The following LARGE1 variants were observed in gnomAD, a reference collection of about 807,000 sequenced individuals.
The protein encoded by LARGE1 is xylosyl- and glucuronyltransferase LARGE1.
LARGE1 carries 43 observed loss-of-function variants against 87.6 expected under a neutral mutation model. That is an observed-to-expected ratio of 0.49 (90% CI 0.38 to 0.63). LARGE1 has a LOEUF of 0.63. LARGE1 is among the 30% of genes least tolerant of loss of function. The probability of loss-of-function intolerance (pLI) is 0.00; values close to 1 mark genes in which losing one functional copy is unlikely to be tolerated. For synonymous variants in LARGE1, 434 were observed against 394.6 expected, an observed-to-expected ratio of 1.10 and a Z score of -1.18; for missense variants, 802 against 1,000.2, an observed-to-expected ratio of 0.80 and a Z score of 2.67.
chr22:33,184,088 CTATA>C (rs144013990), intron 11 of LARGE1, among the ~76,000 whole-genome samples: 5 of 105,306 alleles, frequency 4.7e-5, no homozygotes, highest in Admixed American at 2.9e-4. Flanking sequence ...AATCAGTACA[CTATA>C]TATATATATA....
intron 2 of LARGE1, among the ~76,000 whole-genome samples, chr22:33,712,719 C>G (rs1468680952): frequency 2.0e-5 from 3 of 148,446 alleles, no homozygotes; most frequent in Non-Finnish European, 4.4e-5. Flanking sequence ...CTGAGGCCAG[C>G]AAGAAAAGCC....
intron 2 of LARGE1, among the ~76,000 whole-genome samples, chr22:33,689,172 C>T (rs200718339): frequency 8.6e-6 from 1 of 115,880 alleles, no homozygotes; most frequent in African/African-American, 3.1e-5. Flanking sequence ...TCTCTCCCCC[C>T]TCCTGTGTGT....
At chr22:33,288,937 T>C (rs985474495) in intron 12 of LARGE1, among the ~76,000 whole-genome samples, 3 of 151,694 alleles carry the variant, frequency 2.0e-5, no homozygotes, top group African/African-American at 7.3e-5. Context: ...CTATAGTATA[T>C]TGGATCAAGG....
chr22:33,470,342 A>G (rs1252058010), intron 6 of LARGE1, among the ~76,000 whole-genome samples: 1 of 152,228 alleles, frequency 6.6e-6, no homozygotes, highest in East Asian at 1.9e-4. Context: ...AAAAAGGCAG[A>G]CAAGCCCTCT....
rs35056659 is a variant in LARGE1 at position 33,407,981 on chromosome 22, CT to C, written c.893-23678del. Among the ~76,000 whole-genome samples, 413 of 139,484 alleles carry C rather than the reference CT, an allele frequency of 3.0e-3. 1 individual carries two copies. Among genetic ancestry groups the C allele is most frequent in the Middle Eastern group, 7.5e-3 (2 of 266 alleles). The allele number at this position is 139,484 out of a possible 152,430, so 91.5% of individuals were successfully genotyped here. ...CATTCAGGGTGGTAAGGAAGATAAA[CT>C]TTTTTTTTTTTTTTTTGAGACGGAG... On this transcript the variant is annotated intron_variant, in intron 7 of 14. Transcript: ENST00000397394.
chr22:33,691,637 A>T (rs1168163035), intron 2 of LARGE1, among the ~76,000 whole-genome samples: 1 of 152,212 alleles, frequency 6.6e-6, no homozygotes, highest in Non-Finnish European at 1.5e-5. Flanking sequence ...GCTAAGCCCC[A>T]TTAATCTAAG....
chr22:33,082,281 T>C, the LARGE1 span, among the ~76,000 whole-genome samples: 2 of 152,240 alleles, frequency 1.3e-5, no homozygotes, highest in Admixed American at 1.3e-4. Context: ...GCTTCAATTC[T>C]ATCTACATGT....
chr22:33,251,690 T>A (rs1378213150), intron 11 of LARGE1, among the ~76,000 whole-genome samples: 1 of 152,228 alleles, frequency 6.6e-6, no homozygotes, highest in African/African-American at 2.4e-5. Flanking sequence ...TTTAGCTTCT[T>A]TCAAACCCCA....
intron 4 of LARGE1, among the ~76,000 whole-genome samples, chr22:33,605,420 A>G (rs1281510471): frequency 6.6e-6 from 1 of 152,198 alleles, no homozygotes; most frequent in Non-Finnish European, 1.5e-5. Context: ...TTCCAAACCC[A>G]GGTCTGAAAT....
chr22:33,726,498 T>C (rs2083276753), intron 2 of LARGE1, among the ~76,000 whole-genome samples: 2 of 152,292 alleles, frequency 1.3e-5, no homozygotes, highest in South Asian at 4.1e-4. Flanking sequence ...CACGTGGCAA[T>C]ATTCACCGTA....
intron 1 of LARGE1, among the ~76,000 whole-genome samples, chr22:33,861,395 C>T (rs904182831): frequency 4.6e-5 from 7 of 151,838 alleles, no homozygotes; most frequent in Admixed American, 2.0e-4. Flanking sequence ...CCTACACACA[C>T]ACACAAACAC....
chr22:33,529,252 C>G (rs1422302014), intron 6 of LARGE1, among the ~76,000 whole-genome samples: 1 of 152,180 alleles, frequency 6.6e-6, no homozygotes, highest in Non-Finnish European at 1.5e-5. Flanking sequence ...ATGATGGCCC[C>G]TTGCCTTGGC....
At chr22:33,617,250 T>C (rs2079606968) in intron 4 of LARGE1, among the ~76,000 whole-genome samples, 1 of 152,238 alleles carries the variant, frequency 6.6e-6, no homozygotes, top group African/African-American at 2.4e-5. Context: ...AGGAGGCTTA[T>C]TTCATTCTTT....
intron 2 of LARGE1, among the ~76,000 whole-genome samples, chr22:33,738,716 G>T (rs950521497): frequency 5.9e-5 from 9 of 152,060 alleles, no homozygotes; most frequent in Non-Finnish European, 7.4e-5. Context: ...GCAGTGGCAG[G>T]AGCCTGTAGT....
chr22:33,284,864 T>C (rs1194813543), intron 12 of LARGE1, among the ~76,000 whole-genome samples: 1 of 152,148 alleles, frequency 6.6e-6, no homozygotes, highest in South Asian at 2.1e-4. Flanking sequence ...TGTGCACCAC[T>C]GCGCCCGGCC....
intron 2 of LARGE1, chr22:33,727,448 A>G (rs1677769417): frequency 6.6e-6 from 1 of 152,246 alleles, no homozygotes; most frequent in Admixed American, 6.5e-5. Flanking sequence ...CAAATAAAGT[A>G]AAAGAGTGTA....
chr22:33,072,836 T>A, the LARGE1 span, among the ~76,000 whole-genome samples: 1 of 152,150 alleles, frequency 6.6e-6, no homozygotes, highest in Non-Finnish European at 1.5e-5. Context: ...TTCTCATCCA[T>A]TCTCCGGTCC....
intron 1 of LARGE1, among the ~76,000 whole-genome samples, chr22:33,782,249 C>T (rs113116070): frequency 1.1e-4 from 16 of 152,140 alleles, no homozygotes; most frequent in African/African-American, 2.4e-4. Flanking sequence ...GCATTTAAGA[C>T]GGGAGGGAGA....
chr22:33,910,375 A>G (rs2065597099), intron 1 of LARGE1, among the ~76,000 whole-genome samples: 1 of 152,188 alleles, frequency 6.6e-6, no homozygotes, highest in Non-Finnish European at 1.5e-5. Context: ...CTAGTTGAAG[A>G]TGGCCAAGCA....
Sources: allele counts gnomAD v4.1 joint callset (sites outside exome capture counted in the v4.1 genomes callset), GRCh38; gene constraint gnomAD v4.1.1; transcripts MANE v1.5; gene names NCBI Gene and HGNC (gene_info 2026-07-23, HGNC 2026-07-21).